ABCC4: variants seen among roughly 807,000 people sequenced by gnomAD.
ABCC4 encodes the protein ATP binding cassette subfamily C member 4 (PEL blood group).
In ABCC4, 102 loss-of-function variants were observed where a neutral mutation model predicts 168.5. The ratio of observed to expected loss-of-function variants is 0.61; its 90% CI spans 0.52 to 0.71. The LOEUF is 0.71. Among genes scored for constraint, ABCC4 ranks in the 30% least tolerant of loss-of-function variants. The probability of loss-of-function intolerance (pLI) is 0.00; values close to 1 mark genes in which losing one functional copy is unlikely to be tolerated. For synonymous variants in ABCC4, 617 were observed against 590.7 expected (o/e 1.04, Z -0.65); for missense variants, 1,402 against 1,605.8 (o/e 0.87, Z 2.17).
chr13:95,071,692 A>G lies in ABCC4; in HGVS notation c.3180T>C (p.His1060=), dbSNP rs780723450. 9 of 1,511,180 alleles carry G rather than the reference A, an allele frequency of 6.0e-6. 1 individual carries two copies. In the South Asian group the frequency reaches 1.2e-4, roughly 21 times the overall value. The allele number at this position is 1,511,180 out of a possible 1,614,324, so 93.6% of individuals were successfully genotyped here. ...CTTGTGATTTAATGAGTGCTGTCAG[A>G]TGCTTCAGTACCAGAGGCCCACCTG... The part of the protein sequence containing the change: ...YSPGGPLVLK[H]LTALIKSQEK... Residue 1060 remains histidine, a synonymous_variant, in exon 25 of 31, where the codon CAT becomes CAC. Coordinates refer to ENST00000645237, the MANE Select transcript of ABCC4 (RefSeq NM_005845.5).
chr13:95,116,649 T>C (rs1413091328), intron 19 of ABCC4, among the ~76,000 whole-genome samples: 2 of 152,188 alleles, frequency 1.3e-5, no homozygotes, highest in African/African-American at 2.4e-5. Context: ...GAAATATTAT[T>C]TAATGACTGA....
At chr13:95,269,431 AAAAATATATATAT>A in intron 1 of ABCC4, 1 of 172,560 alleles carries the variant, frequency 5.8e-6, no homozygotes, top group South Asian at 5.8e-5. Flanking sequence ...ATCTCAAAAA[AAAAATATATATAT>A]ATATATATAT....
chr13:95,035,304 C>G (rs963997643), intron 29 of ABCC4, among the ~76,000 whole-genome samples: 2 of 152,174 alleles, frequency 1.3e-5, no homozygotes, highest in Non-Finnish European at 2.9e-5. Flanking sequence ...GGGCTAAACT[C>G]TGGATGGTGA....
At chr13:95,053,226 T>G in intron 26 of ABCC4, 42 bp from the exon 27 acceptor site, 1 of 1,475,324 alleles carries the variant, frequency 6.8e-7, no homozygotes, top group Non-Finnish European at 9.5e-7. Flanking sequence ...ACAGACTCTT[T>G]TTTCATTTTA....
At chr13:95,296,029 A>G (rs2041522197) in intron 1 of ABCC4, among the ~76,000 whole-genome samples, 1 of 150,330 alleles carries the variant, frequency 6.7e-6, no homozygotes. Context: ...GCTACTTGGG[A>G]GGCTGAGCTG....
At chr13:95,073,749 C>T (rs1163529188) in intron 23 of ABCC4, among the ~76,000 whole-genome samples, 1 of 152,102 alleles carries the variant, frequency 6.6e-6, no homozygotes, top group East Asian at 1.9e-4. Flanking sequence ...TATTGTAATG[C>T]ACTGTTGTTA....
chr13:95,135,059 C>T (rs549873973), intron 19 of ABCC4, among the ~76,000 whole-genome samples: 182 of 152,232 alleles, frequency 1.2e-3, no homozygotes, highest in Non-Finnish European at 2.0e-3. Flanking sequence ...AAATAATTAG[C>T]TTAATTATTG....
At chr13:95,065,359 G>A (rs563415406) in intron 25 of ABCC4, among the ~76,000 whole-genome samples, 8 of 152,236 alleles carry the variant, frequency 5.3e-5, no homozygotes, top group Non-Finnish European at 1.0e-4. Context: ...CACAACCCCA[G>A]CAATCTGACA....
intron 14 of ABCC4, 106 bp downstream of exon 14, chr13:95,170,426 A>G: frequency 1.6e-6 from 1 of 634,482 alleles, no homozygotes; most frequent in South Asian, 2.4e-5. Flanking sequence ...ACTTAAAAAC[A>G]TGAATCCCAG....
chr13:95,256,946 C>A (rs1397446314), intron 1 of ABCC4, among the ~76,000 whole-genome samples: 1 of 152,182 alleles, frequency 6.6e-6, no homozygotes, highest in Non-Finnish European at 1.5e-5. Context: ...AAGCGAGCAT[C>A]TGAAGCTACT....
chr13:95,189,291 G>T (rs1180158681), intron 9 of ABCC4, among the ~76,000 whole-genome samples: 1 of 150,702 alleles, frequency 6.6e-6, no homozygotes. Context: ...CTGCCACTGC[G>T]CCCAGCTAAT....
At position 95,071,760 on chromosome 13, in the gene ABCC4, C is replaced by G; in HGVS notation, c.3112G>C (p.Glu1038Gln). ...ACATTGTCAAAGATTATCACTCCTT[C>G]ATGGGGCCAGGCTGGTGGTGGGCGT... Reference protein sequence around the residue: ...QKRPPPAWPHEGVIIFDNVNF... With the variant: ...QKRPPPAWPHQGVIIFDNVNF... The change falls in exon 25 of 31, where the codon GAA (glutamate) becomes CAA (glutamine). Residue 1038 changes from glutamate (E) to glutamine (Q), a missense_variant. Around this residue, in one of 3 missense-constraint regions of ABCC4, gnomAD observed 1,007 missense variants for 1,127.3 expected, o/e 0.89. Coordinates refer to ENST00000645237, the MANE Select transcript of ABCC4 (RefSeq NM_005845.5). 1 of 1,607,908 alleles carries G rather than the reference C, an allele frequency of 6.2e-7. No individual in the cohort carries two copies. The highest frequency in any genetic ancestry group is 8.5e-7 in the Non-Finnish European group (1 of 1,177,174).
At chr13:95,086,419 T>C (rs1224263640) in intron 20 of ABCC4, among the ~76,000 whole-genome samples, 1 of 152,208 alleles carries the variant, frequency 6.6e-6, no homozygotes, top group African/African-American at 2.4e-5. Flanking sequence ...ATTCAATATC[T>C]ATATTTGAAT....
intron 19 of ABCC4, among the ~76,000 whole-genome samples, chr13:95,132,735 T>C (rs1440195113): frequency 6.6e-6 from 1 of 152,108 alleles, no homozygotes; most frequent in Non-Finnish European, 1.5e-5. Flanking sequence ...TTATTCAGCT[T>C]TAAGATGGAA....
intron 19 of ABCC4, among the ~76,000 whole-genome samples, chr13:95,150,541 G>A (rs966455287): frequency 1.3e-5 from 2 of 151,156 alleles, no homozygotes; most frequent in Non-Finnish European, 2.9e-5. Flanking sequence ...GAAGCTTGTC[G>A]AGTCTTTATT....
At chr13:95,060,181 T>C (rs1267607472) in intron 26 of ABCC4, among the ~76,000 whole-genome samples, 11 of 152,190 alleles carry the variant, frequency 7.2e-5, no homozygotes, top group Non-Finnish European at 1.6e-4. Context: ...TCTCTCTGTT[T>C]ACAATGCTTG....
chr13:95,115,197 C>A (rs537027509), intron 20 of ABCC4, among the ~76,000 whole-genome samples: 1 of 150,012 alleles, frequency 6.7e-6, no homozygotes, highest in East Asian at 1.9e-4. Flanking sequence ...GAGAGATGAC[C>A]CAATATTATT....
intron 4 of ABCC4, among the ~76,000 whole-genome samples, chr13:95,224,489 C>G (rs1024591299): frequency 6.6e-6 from 1 of 152,192 alleles, no homozygotes; most frequent in African/African-American, 2.4e-5. Context: ...GTAATCCCAG[C>G]ACTTTGGGAG....
chr13:95,278,758 C>T (rs950247708), intron 1 of ABCC4, among the ~76,000 whole-genome samples: 2 of 136,108 alleles, frequency 1.5e-5, no homozygotes, highest in Non-Finnish European at 3.1e-5. Context: ...GAGCTATGAT[C>T]GCACCACTTA....
Sources: allele counts gnomAD v4.1 joint callset (sites outside exome capture counted in the v4.1 genomes callset), GRCh38; gene constraint gnomAD v4.1.1; regional missense constraint gnomAD v4.1.1; transcripts MANE v1.5; gene names NCBI Gene and HGNC (gene_info 2026-07-23, HGNC 2026-07-21).